PCDH15: variants seen among roughly 807,000 people sequenced by gnomAD.
The protein encoded by PCDH15 is protocadherin related 15, also known as protocadherin-15.
In PCDH15, 129 loss-of-function variants were observed where a neutral mutation model predicts 178.5. The ratio of observed to expected loss-of-function variants is 0.72; its 90% CI spans 0.63 to 0.84. The LOEUF (loss-of-function observed/expected upper bound fraction) is 0.84. Among genes scored for constraint, PCDH15 ranks in the 40% least tolerant of loss-of-function variants. The probability of loss-of-function intolerance (pLI) is 0.00; values close to 1 mark genes in which losing one functional copy is unlikely to be tolerated. For missense variants in PCDH15, 2,230 were observed against 2,099.9 expected (o/e 1.06, Z -1.21); for synonymous variants, 800 against 732.0 (o/e 1.09, Z -1.50).
At chr10:55,351,115 C>T (rs1844922058) in intron 2 of PCDH15, among the ~76,000 whole-genome samples, 1 of 146,260 alleles carries the variant, frequency 6.8e-6, no homozygotes, top group African/African-American at 2.5e-5. Context: ...CTTCTTCTGC[C>T]ATGTGTTAGA....
At chr10:55,090,717 C>T (rs1020586221) in intron 2 of PCDH15, among the ~76,000 whole-genome samples, 2 of 152,066 alleles carry the variant, frequency 1.3e-5, no homozygotes, top group African/African-American at 4.8e-5. Context: ...CAGAATAAAG[C>T]ATACAGAGAT....
intron 25 of PCDH15, among the ~76,000 whole-genome samples, chr10:53,934,862 C>T (rs1332387688): frequency 1.3e-5 from 2 of 151,694 alleles, no homozygotes; most frequent in Non-Finnish European, 2.9e-5. Context: ...TTTTCTTAGC[C>T]TTCTGTCAGT....
intron 7 of PCDH15, among the ~76,000 whole-genome samples, chr10:54,319,931 C>T (rs2061493127): frequency 6.6e-6 from 1 of 151,956 alleles, no homozygotes; most frequent in African/African-American, 2.4e-5. Context: ...GGAATTTTGT[C>T]AGTACAACCT....
At chr10:54,199,561 C>CAATAATAATAAT (rs1233743116) in intron 10 of PCDH15, among the ~76,000 whole-genome samples, 3 of 88,152 alleles carry the variant, frequency 3.4e-5, no homozygotes, top group African/African-American at 1.1e-4. Flanking sequence ...ATTTAAACAA[C>CAATAATAATAAT]AACAACAACA....
At chr10:55,416,299 C>T (rs1028608769) in intron 2 of PCDH15, among the ~76,000 whole-genome samples, 2 of 151,686 alleles carry the variant, frequency 1.3e-5, no homozygotes, top group African/African-American at 4.8e-5. Context: ...GGAACTTAAG[C>T]TATTATAGTT....
chr10:54,007,969 ACTGAGAATTGTACTCCATT>A (rs1356826219), intron 20 of PCDH15, among the ~76,000 whole-genome samples: 2 of 152,168 alleles, frequency 1.3e-5, no homozygotes, highest in Non-Finnish European at 2.9e-5. Flanking sequence ...TTTGTAGAGA[ACTGAGAATTGTACTCCATT>A]CTTCTCTTAA....
intron 25 of PCDH15, among the ~76,000 whole-genome samples, chr10:53,914,209 T>C (rs1315109423): frequency 1.3e-5 from 2 of 152,208 alleles, no homozygotes; most frequent in African/African-American, 2.4e-5. Flanking sequence ...AGTGTGGTGA[T>C]TCCTCAAGGA....
At chr10:54,923,592 C>A (rs1344210922) in intron 2 of PCDH15, among the ~76,000 whole-genome samples, 1 of 137,884 alleles carries the variant, frequency 7.3e-6, no homozygotes, top group Non-Finnish European at 1.7e-5. Context: ...AATTTGAACA[C>A]TTTGCTGCTT....
intron 2 of PCDH15, chr10:54,606,693 A>G (rs1208463466): frequency 6.6e-6 from 1 of 152,162 alleles, no homozygotes; most frequent in Admixed American, 6.6e-5. Context: ...CCAAAAGACT[A>G]AGTGTATGTG....
intron 8 of PCDH15, among the ~76,000 whole-genome samples, chr10:54,286,502 T>C (rs1319089440): frequency 2.0e-5 from 3 of 152,182 alleles, no homozygotes; most frequent in African/African-American, 4.8e-5. Flanking sequence ...CATCTATAGA[T>C]TCATCAAGCA....
At chr10:55,151,264 T>C (rs796700964) in intron 2 of PCDH15, among the ~76,000 whole-genome samples, 17 of 152,224 alleles carry the variant, frequency 1.1e-4, no homozygotes, top group African/African-American at 4.1e-4. Flanking sequence ...TACTTGGTAA[T>C]TGTATAATGT....
At chr10:54,685,405 T>G (rs74959259) in intron 1 of PCDH15, among the ~76,000 whole-genome samples, 1,949 of 152,288 alleles carry the variant, frequency 0.013, 46 homozygotes, top group African/African-American at 0.045. Context: ...ATTATTTTTA[T>G]CACTGGCAGC....
chr10:55,227,801 C>T (rs976933910), intron 1 of PCDH15, among the ~76,000 whole-genome samples: 2 of 152,018 alleles, frequency 1.3e-5, no homozygotes, highest in Non-Finnish European at 2.9e-5. Flanking sequence ...TTATTATATT[C>T]AGAGGACGGG....
chr10:54,226,223 C>T lies in PCDH15; in HGVS notation c.985+10600G>A, dbSNP rs6481073. On this transcript the variant is annotated intron_variant, in intron 9 of 37. Transcript: ENST00000644397. Reference sequence around the variant, plus strand: ...TCATGGTGGAAGGCAAGGAAAAGCACGTCACTTCTTACATGGATGGCAGCA... The same window carrying T: ...TCATGGTGGAAGGCAAGGAAAAGCATGTCACTTCTTACATGGATGGCAGCA... 6.6e-3 allele frequency among the ~76,000 whole-genome samples: 1,012 copies of T among 152,224 alleles called. 15 individuals are homozygous for T. Among genetic ancestry groups the T allele is most frequent in the African/African-American group, 0.024 (982 of 41,526 alleles).
chr10:54,138,472 T>C (rs767346716), intron 14 of PCDH15, among the ~76,000 whole-genome samples: 3 of 152,168 alleles, frequency 2.0e-5, no homozygotes, highest in Non-Finnish European at 4.4e-5. Flanking sequence ...GATATAGTCA[T>C]AGCAAAGTAG....
chr10:54,366,571 C>T (rs1946827544), intron 5 of PCDH15, among the ~76,000 whole-genome samples: 1 of 151,876 alleles, frequency 6.6e-6, no homozygotes, highest in East Asian at 1.9e-4. Context: ...TTCATGTCAA[C>T]TAAACCAATA....
At chr10:54,071,420 T>C (rs1261480559) in intron 17 of PCDH15, among the ~76,000 whole-genome samples, 1 of 152,184 alleles carries the variant, frequency 6.6e-6, no homozygotes, top group Non-Finnish European at 1.5e-5. Flanking sequence ...TTGGCTTTAA[T>C]CCTAGAGAGG....
chr10:54,300,478 T>A (rs1226523944), intron 8 of PCDH15, among the ~76,000 whole-genome samples: 1 of 152,182 alleles, frequency 6.6e-6, no homozygotes, highest in Admixed American at 6.5e-5. Flanking sequence ...CCACTGGCCC[T>A]TTCACTGGCC....
intron 1 of PCDH15, among the ~76,000 whole-genome samples, chr10:55,232,666 C>T (rs1841259746): frequency 6.6e-6 from 1 of 152,098 alleles, no homozygotes; most frequent in South Asian, 2.1e-4. Context: ...ATTTCACTCT[C>T]TTATCTTCTA....
Sources: allele counts gnomAD v4.1 joint callset (sites outside exome capture counted in the v4.1 genomes callset), GRCh38; gene constraint gnomAD v4.1.1; transcripts MANE v1.5; gene names NCBI Gene and HGNC (gene_info 2026-07-23, HGNC 2026-07-21).